The following CACNG8 variants were observed in gnomAD, a reference collection of about 807,000 sequenced individuals.
CACNG8 encodes the protein voltage-dependent calcium channel gamma-8 subunit.
A neutral mutation model predicts 26.9 loss-of-function variants in CACNG8; 5 were observed. That is an observed-to-expected ratio of 0.19 (90% CI 0.10 to 0.39). CACNG8 has a LOEUF of 0.39. Ranked by LOEUF, CACNG8 falls within the 10% of genes least tolerant of loss-of-function variation. The probability of loss-of-function intolerance (pLI) is 1.00; values close to 1 mark genes in which losing one functional copy is unlikely to be tolerated. For missense variants in CACNG8, 473 were observed against 609.4 expected (o/e 0.78, Z 2.36); for synonymous variants, 321 against 296.7 (o/e 1.08, Z -0.84).
chr19:53,969,610 C>A (rs1447166167), intron 1 of CACNG8, among the ~76,000 whole-genome samples: 1 of 152,018 alleles, frequency 6.6e-6, no homozygotes, highest in Non-Finnish European at 1.5e-5. Context: ...GAGAATGAAG[C>A]AACAAATCCA....
rs931845914 is a variant in CACNG8 at position 53,986,164 on chromosome 19, C to T, written c.*3315C>T. 3.9e-5 allele frequency: 6 copies of T among 152,412 alleles called. No homozygotes were observed. The highest frequency in any genetic ancestry group is 8.8e-5 in the Non-Finnish European group (6 of 68,090). The allele number at this position is 152,412 out of a possible 1,614,324, so 9.4% of individuals were successfully genotyped here. On this transcript the variant is annotated 3_prime_UTR_variant, in exon 4 of 4. Transcript: ENST00000270458. The stretch of plus-strand genomic sequence containing the variant: ...GAGATAGCAGAAACACACACAGAGA[C>T]AGAGATAGAGAGGGAGAGGTAAGCC...
rs531032356 is a variant in CACNG8 at position 53,987,021 on chromosome 19, G to C, written c.*4172G>C. Reference sequence around the variant, plus strand: ...TTTTATTCTAGATCTGATGGGAAGTGCTTGGAGGGTTTTGAGCACAGGCAT... The same window carrying C: ...TTTTATTCTAGATCTGATGGGAAGTCCTTGGAGGGTTTTGAGCACAGGCAT... On this transcript the variant is annotated 3_prime_UTR_variant, in exon 4 of 4. Coordinates refer to ENST00000270458, the MANE Select transcript of CACNG8 (RefSeq NM_031895.6). 4.6e-5 allele frequency: 7 copies of C among 152,330 alleles called. No homozygotes were observed. Among genetic ancestry groups the C allele is most frequent in the African/African-American group, 1.7e-4 (7 of 41,574 alleles). 9.4% of individuals were successfully genotyped at this position (152,330 alleles called of 1,614,324 possible).
At chr19:53,975,443 G>C (rs564606508) in intron 1 of CACNG8, among the ~76,000 whole-genome samples, 2 of 151,682 alleles carry the variant, frequency 1.3e-5, no homozygotes, top group East Asian at 1.9e-4. Context: ...GCAGTGGCGC[G>C]ATCTCAGCGC....
chr19:53,981,032 C>T (rs941674515), intron 3 of CACNG8, among the ~76,000 whole-genome samples: 2 of 151,770 alleles, frequency 1.3e-5, no homozygotes, highest in Non-Finnish European at 2.9e-5. Context: ...GGCCAAGATC[C>T]GCACGGGGCG....
At chr19:53,980,293 A>G (rs1309685530) in intron 3 of CACNG8, among the ~76,000 whole-genome samples, 4 of 151,432 alleles carry the variant, frequency 2.6e-5, no homozygotes, top group African/African-American at 2.4e-5. Flanking sequence ...GGCGCTTAGG[A>G]TCCCAAGCCC....
intron 1 of CACNG8, among the ~76,000 whole-genome samples, chr19:53,971,014 G>A (rs1341098475): frequency 1.3e-5 from 2 of 150,040 alleles, no homozygotes; most frequent in African/African-American, 4.9e-5. Flanking sequence ...TTTTTAGGCT[G>A]GGCACGGTGG....
At position 53,988,856 on chromosome 19, in the gene CACNG8, T is replaced by A. The variant is rs1304167756; in HGVS notation, c.*6007T>A. ...GCCCAGCTCCTGTCTCTTGCTGCTGTCAGCGCCGGGCACACTCTGGGATTC... is the reference window on the plus strand; with the variant it reads ...GCCCAGCTCCTGTCTCTTGCTGCTGACAGCGCCGGGCACACTCTGGGATTC... On this transcript the variant is annotated 3_prime_UTR_variant, in exon 4 of 4. Coordinates refer to ENST00000270458, the MANE Select transcript of CACNG8 (RefSeq NM_031895.6). 6.6e-6 allele frequency: 1 copy of A among 152,220 alleles called. No individual in the cohort carries two copies. The highest frequency in any genetic ancestry group is 1.5e-5 in the Non-Finnish European group (1 of 68,066). The allele number at this position is 152,220 out of a possible 1,614,324, so 9.4% of individuals were successfully genotyped here.
At chr19:53,975,649 G>A (rs1030987755) in intron 1 of CACNG8, among the ~76,000 whole-genome samples, 8 of 152,100 alleles carry the variant, frequency 5.3e-5, no homozygotes, top group African/African-American at 1.4e-4. Flanking sequence ...AAATGGCTAC[G>A]ATTACAGACG....
Position 53,982,857 on chromosome 19 carries a change from G to A in CACNG8, c.*8G>A. 1.5e-6 allele frequency: 2 copies of A among 1,305,226 alleles called. No homozygotes were observed. The highest frequency in any genetic ancestry group is 1.9e-5 in the South Asian group (1 of 53,774). 80.9% of individuals were successfully genotyped at this position (1,305,226 alleles called of 1,614,324 possible). ...AAAACCACGCCTGTGTAGGGGCGCG[G>A]CGGGGGAGCCGAGGGGCGTGTCCGG... On this transcript the variant is annotated 3_prime_UTR_variant, in exon 4 of 4. Coordinates refer to ENST00000270458, the MANE Select transcript of CACNG8 (RefSeq NM_031895.6). The surrounding 1 kb of genome is among the most constrained non-coding windows in gnomAD (Gnocchi z 8.4).
At chr19:53,980,069 T>TGC in intron 3 of CACNG8, 62 bp downstream of exon 3, 1 of 1,418,490 alleles carries the variant, frequency 7.0e-7, no homozygotes, top group Non-Finnish European at 9.4e-7. Flanking sequence ...TGTGTGTGTG[T>TGC]GTGTGTGTGT....
chr19:53,980,924 G>GA (rs1400278162), intron 3 of CACNG8, among the ~76,000 whole-genome samples: 2 of 152,196 alleles, frequency 1.3e-5, no homozygotes, highest in African/African-American at 4.8e-5. Context: ...GTGCTTTGGG[G>GA]ATGGGTCTAG....
Position 53,982,429 on chromosome 19 carries a change from G to T in CACNG8, c.858G>T (p.Ser286=). Residue 286 remains serine, a synonymous_variant, in exon 4 of 4, where the codon TCG becomes TCT. Transcript: ENST00000270458. The surrounding 1 kb of genome is among the most constrained non-coding windows in gnomAD (Gnocchi z 8.4). ...CCCGCTCCAGCGAGCCGTCGCCGTC[G>T]CGGGACGCGTCTCCCGGCGGCCCCG... 2 of 1,519,564 alleles carry T rather than the reference G, an allele frequency of 1.3e-6. No individual in the cohort carries two copies. The highest frequency in any genetic ancestry group is 1.2e-5 in the South Asian group (1 of 82,164). 94.1% of individuals were successfully genotyped at this position (1,519,564 alleles called of 1,614,324 possible). A position where few individuals can be genotyped will look rare whatever the true frequency, so the allele number is the denominator to read the frequency against.
At chr19:53,965,787 G>C (rs1475903142) in intron 1 of CACNG8, among the ~76,000 whole-genome samples, 2 of 151,978 alleles carry the variant, frequency 1.3e-5, no homozygotes, top group African/African-American at 4.8e-5. Flanking sequence ...TTGGGGGAGG[G>C]GATGGGAGGG....
chr19:53,974,038 T>C (rs1381970772), intron 1 of CACNG8, among the ~76,000 whole-genome samples: 1 of 152,228 alleles, frequency 6.6e-6, no homozygotes, highest in Non-Finnish European at 1.5e-5. Context: ...ATTTCAGTAG[T>C]GGTAAGTGCA....
In CACNG8 at chr19:53,982,606, C is replaced by A. The variant is rs1372793675; in HGVS notation, c.1035C>A (p.Gly345=). The change falls in exon 4 of 4, where the codon GGC becomes GGA. Residue 345 remains glycine (G), a synonymous_variant. Transcript: ENST00000270458. The surrounding 1 kb of genome is among the most constrained non-coding windows in gnomAD (Gnocchi z 8.4). Reference sequence around the variant, plus strand: ...GCGGCGCGGCCGGGGGCGCCGGGGGCGGCGGCGGAGGCGGCGGCGGGGCGG... The same window carrying A: ...GCGGCGCGGCCGGGGGCGCCGGGGGAGGCGGCGGAGGCGGCGGCGGGGCGG... The A allele has an allele frequency of 5.2e-6, 5 of 969,510 alleles. No homozygotes were observed. In the African/African-American group the frequency reaches 8.9e-5, roughly 17 times the overall value. 60.1% of individuals were successfully genotyped at this position (969,510 alleles called of 1,614,324 possible).
At position 53,986,890 on chromosome 19, in the gene CACNG8, G is replaced by A. The variant is rs2069411118; in HGVS notation, c.*4041G>A. 2 of 152,260 alleles carry A rather than the reference G, an allele frequency of 1.3e-5. No individual in the cohort carries two copies. The highest frequency in any genetic ancestry group is 1.3e-4 in the Admixed American group (2 of 15,254). 9.4% of individuals were successfully genotyped at this position (152,260 alleles called of 1,614,324 possible). On this transcript the variant is annotated 3_prime_UTR_variant, in exon 4 of 4. Coordinates refer to ENST00000270458, the MANE Select transcript of CACNG8 (RefSeq NM_031895.6). ...GGCAGCCCCAAAGCCCAGAAAAGTA[G>A]CAGGTCTTCGAGGAGGCCTGTGCGG...
intron 2 of CACNG8, among the ~76,000 whole-genome samples, chr19:53,979,248 A>T (rs1261640701): frequency 2.1e-5 from 3 of 146,174 alleles, no homozygotes; most frequent in Non-Finnish European, 4.5e-5. Flanking sequence ...AGCAGATAAG[A>T]GGAGAGAGGG....
chr19:53,977,065 C>A (rs959419526), intron 1 of CACNG8, among the ~76,000 whole-genome samples: 1 of 152,212 alleles, frequency 6.6e-6, no homozygotes, highest in Admixed American at 6.5e-5. Context: ...TGCCCTACCC[C>A]CTCCAGGAAC....
intron 1 of CACNG8, among the ~76,000 whole-genome samples, chr19:53,970,931 C>CAA (rs34478690): frequency 0.02 from 1,914 of 96,532 alleles, 45 homozygotes; most frequent in African/African-American, 0.059. Context: ...GACCCTATCT[C>CAA]AAAAAAAAAA....
Sources: gnomAD v4.1 joint callset for allele counts (sites outside exome capture counted in the v4.1 genomes callset) on GRCh38, gnomAD v4.1.1 for gene constraint, Gnocchi (gnomAD v3.1) non-coding constraint, MANE v1.5 for transcripts, NCBI Gene and HGNC (gene_info 2026-07-23, HGNC 2026-07-21) for gene names.